The following MACROD2 variants were observed in gnomAD, a reference collection of about 807,000 sequenced individuals.
The protein encoded by MACROD2 is mono-ADP ribosylhydrolase 2.
In MACROD2, 36 loss-of-function variants were observed where a neutral mutation model predicts 70.4. That is an observed-to-expected ratio of 0.51 (90% CI 0.39 to 0.68). The LOEUF is 0.68. Among genes scored for constraint, MACROD2 ranks in the 30% least tolerant of loss-of-function variants. MACROD2 has a pLI of 0.00. For synonymous variants in MACROD2, 172 were observed against 178.8 expected, an observed-to-expected ratio of 0.96 and a Z score of 0.30; for missense variants, 496 against 538.4, an observed-to-expected ratio of 0.92 and a Z score of 0.78.
At chr20:14,959,269 T>G (rs2074563152) in intron 5 of MACROD2, among the ~76,000 whole-genome samples, 1 of 152,210 alleles carries the variant, frequency 6.6e-6, no homozygotes, top group East Asian at 1.9e-4. Flanking sequence ...GTAGCTAGGA[T>G]TACAGGCATG....
chr20:14,248,275 T>C (rs569692563), intron 3 of MACROD2, among the ~76,000 whole-genome samples: 1 of 152,304 alleles, frequency 6.6e-6, no homozygotes, highest in South Asian at 2.1e-4. Flanking sequence ...CTTTGTCTCA[T>C]GCACAAAATT....
At chr20:14,381,132 G>T (rs542213429) in intron 3 of MACROD2, among the ~76,000 whole-genome samples, 36 of 152,116 alleles carry the variant, frequency 2.4e-4, no homozygotes, top group African/African-American at 8.4e-4. Context: ...AAGCTTTTTG[G>T]AACAGAGACT....
intron 1 of MACROD2, among the ~76,000 whole-genome samples, chr20:13,996,168 T>C (rs1004891653): frequency 2.7e-5 from 4 of 146,880 alleles, no homozygotes; most frequent in Non-Finnish European, 4.4e-5. Flanking sequence ...CAGCTGGGAC[T>C]TGGGCACTGC....
rs557815193 is a variant in MACROD2, at chr20:15,995,159, A to G, written c.1153+8001A>G. ...ATCAGTGCACCCTACTGCACATTGT[A>G]TAACTAAGAAAGTCATAAATGGTTT... On this transcript the variant is annotated intron_variant, in intron 15 of 17. Transcript: ENST00000684519. Among the ~76,000 whole-genome samples the G allele has an allele frequency of 2.6e-5, 4 of 152,226 alleles. No homozygotes were observed. The South Asian group carries it at 8.3e-4, about 32-fold the overall frequency.
intron 5 of MACROD2, among the ~76,000 whole-genome samples, chr20:15,102,232 G>A (rs407679): frequency 0.84 from 127,910 of 151,990 alleles, 54,662 homozygotes; most frequent in Non-Finnish European, 0.9. Context: ...TCTCATTAAT[G>A]AGCAGGGAAA....
intron 5 of MACROD2, among the ~76,000 whole-genome samples, chr20:14,880,510 A>G (rs775860714): frequency 1.2e-4 from 18 of 152,296 alleles, no homozygotes; most frequent in South Asian, 6.2e-4. Flanking sequence ...CTTAAGAGAG[A>G]TGAACTGTAC....
intron 5 of MACROD2, among the ~76,000 whole-genome samples, chr20:14,784,672 G>GA (rs1480682700): frequency 4.2e-5 from 5 of 119,632 alleles, no homozygotes; most frequent in Admixed American, 8.1e-5. Flanking sequence ...TTTAAGTGGG[G>GA]GGGGGGGGGC....
intron 15 of MACROD2, among the ~76,000 whole-genome samples, chr20:15,997,553 C>T (rs577158361): frequency 6.6e-5 from 10 of 152,026 alleles, no homozygotes; most frequent in South Asian, 4.1e-4. Context: ...ATTTCGAATT[C>T]GGCAAGTTTA....
intron 8 of MACROD2, among the ~76,000 whole-genome samples, chr20:15,556,361 C>G (rs1397234785): frequency 6.6e-6 from 1 of 152,060 alleles, no homozygotes; most frequent in South Asian, 2.1e-4. Flanking sequence ...TCATGGATCT[C>G]TTGATTTATA....
intron 6 of MACROD2, among the ~76,000 whole-genome samples, chr20:15,410,397 C>G (rs564454742): frequency 3.1e-4 from 47 of 152,218 alleles, no homozygotes; most frequent in Non-Finnish European, 5.7e-4. Flanking sequence ...AATGGGTTAC[C>G]TTCCTTCGGT....
At chr20:15,143,531 T>C (rs904328177) in intron 5 of MACROD2, among the ~76,000 whole-genome samples, 5 of 152,334 alleles carry the variant, frequency 3.3e-5, no homozygotes, top group Non-Finnish European at 7.4e-5. Flanking sequence ...ATCCCATTTG[T>C]CTATTTTGGC....
intron 15 of MACROD2, among the ~76,000 whole-genome samples, chr20:15,995,495 G>A (rs866941267): frequency 2.7e-5 from 4 of 150,880 alleles, no homozygotes; most frequent in African/African-American, 7.3e-5. Context: ...GACTACAGGC[G>A]CCCGCCACCG....
rs11087090 is a variant in MACROD2 at position 14,447,976 on chromosome 20, ATGTGTGTG to A, written c.272-45479_272-45472del. On this transcript the variant is annotated intron_variant, in intron 3 of 17. Transcript: ENST00000684519. ...GAAGAGCACTTGAGAACCCATGAAA[ATGTGTGTG>A]TGTGTGTGTGTGTGTGTGTGTGTCT... Among the ~76,000 whole-genome samples, 225 of 143,252 alleles carry A rather than the reference ATGTGTGTG, an allele frequency of 1.6e-3. 4 individuals are homozygous for A. The highest frequency in any genetic ancestry group is 5.2e-3 in the African/African-American group (200 of 38,772). The allele number at this position is 143,252 out of a possible 152,430, so 94.0% of individuals were successfully genotyped here.
chr20:15,200,136 A>G (rs897061710), intron 5 of MACROD2, among the ~76,000 whole-genome samples: 4 of 152,010 alleles, frequency 2.6e-5, no homozygotes, highest in African/African-American at 9.7e-5. Flanking sequence ...AGTTTCAGCT[A>G]AGGCCTTGTT....
At chr20:15,471,246 A>G (rs1167230119) in intron 7 of MACROD2, among the ~76,000 whole-genome samples, 1 of 152,142 alleles carries the variant, frequency 6.6e-6, no homozygotes, top group African/African-American at 2.4e-5. Context: ...GTTGCTTCTC[A>G]GCTGGGCCCT....
At chr20:14,467,202 T>C (rs190322367) in intron 3 of MACROD2, among the ~76,000 whole-genome samples, 2,782 of 152,280 alleles carry the variant, frequency 0.018, 89 homozygotes, top group African/African-American at 0.062. Context: ...GCTTCCTGGC[T>C]GCTTTGTTTA....
chr20:14,270,900 G>T (rs966060843), intron 3 of MACROD2, among the ~76,000 whole-genome samples: 2 of 152,208 alleles, frequency 1.3e-5, no homozygotes, highest in Admixed American at 1.3e-4. Context: ...TAGCACAGCA[G>T]TCTGAGATCA....
intron 15 of MACROD2, among the ~76,000 whole-genome samples, chr20:16,026,163 A>C (rs879918154): frequency 1.1e-3 from 153 of 144,442 alleles, no homozygotes; most frequent in Middle Eastern, 3.6e-3. Context: ...CAAAAAAACA[A>C]AACAACAAAC....
chr20:15,352,838 C>T (rs993527263), intron 6 of MACROD2, among the ~76,000 whole-genome samples: 54 of 151,852 alleles, frequency 3.6e-4, no homozygotes, highest in Non-Finnish European at 4.7e-4. Context: ...AACCACTGCT[C>T]AATGAAATAA....
Sources: gnomAD v4.1 joint callset for allele counts (sites outside exome capture counted in the v4.1 genomes callset) on GRCh38, gnomAD v4.1.1 for gene constraint, MANE v1.5 for transcripts, NCBI Gene and HGNC (gene_info 2026-07-23, HGNC 2026-07-21) for gene names.